RANBP2: variants seen among roughly 807,000 people sequenced by gnomAD.
The protein encoded by RANBP2 is RAN binding protein 2.
In RANBP2, 57 loss-of-function variants were observed where a neutral mutation model predicts 303.6. The observed-to-expected ratio is 0.19, with a 90% CI of 0.15 to 0.23. The LOEUF is 0.23. RANBP2 is among the 10% of genes least tolerant of loss of function. RANBP2 has a pLI of 1.00. For synonymous variants in RANBP2, 1,167 were observed against 1,301.5 expected, an observed-to-expected ratio of 0.90 and a Z score of 2.23; for missense variants, 3,138 against 3,780.8, an observed-to-expected ratio of 0.83 and a Z score of 4.46.
At chr2:109,151,360 A>G in the RANBP2 span, among the ~76,000 whole-genome samples, 3 of 152,310 alleles carry the variant, frequency 2.0e-5, no homozygotes, top group Middle Eastern at 3.4e-3. Flanking sequence ...TGAAAAGCTA[A>G]TGGTTTAACA....
At chr2:108,739,174 G>A (rs955206957) in intron 6 of RANBP2, among the ~76,000 whole-genome samples, 7 of 151,846 alleles carry the variant, frequency 4.6e-5, no homozygotes, top group East Asian at 2.0e-4. Context: ...AGGCCGAGGC[G>A]GGTGGATCAC....
At chr2:108,782,017 A>G in intron 26 of RANBP2, 111 bp from the exon 27 acceptor site, 1 of 1,277,284 alleles carries the variant, frequency 7.8e-7, no homozygotes, top group East Asian at 2.4e-5. Flanking sequence ...ACATTAACAA[A>G]TTCTCTTTGT....
At chr2:109,531,412 G>A in the RANBP2 span, among the ~76,000 whole-genome samples, 18 of 152,274 alleles carry the variant, frequency 1.2e-4, no homozygotes, top group East Asian at 1.9e-4. Flanking sequence ...CTGGCACTGC[G>A]CACTTACAAA....
chr2:109,173,911 C>A, the RANBP2 span, among the ~76,000 whole-genome samples: 1 of 152,210 alleles, frequency 6.6e-6, no homozygotes, highest in Non-Finnish European at 1.5e-5. Context: ...AATGTGAAAT[C>A]CGGTGTGGGC....
chr2:109,031,812 C>T, the RANBP2 span, among the ~76,000 whole-genome samples: 1 of 151,806 alleles, frequency 6.6e-6, no homozygotes, highest in Admixed American at 6.6e-5. Flanking sequence ...GCGAAGAGAA[C>T]CCTCCTTCCT....
chr2:109,678,062 G>A, the RANBP2 span, among the ~76,000 whole-genome samples: 1 of 152,328 alleles, frequency 6.6e-6, no homozygotes, highest in East Asian at 1.9e-4. Flanking sequence ...GTTGCTAGGA[G>A]ATGATGGGCT....
At chr2:109,613,408 CG>C in the RANBP2 span, 2 of 323,238 alleles carry the variant, frequency 6.2e-6, no homozygotes, top group Admixed American at 3.8e-5. Flanking sequence ...CAGGGAGGCT[CG>C]GAAGTGCTCA....
the RANBP2 span, among the ~76,000 whole-genome samples, chr2:109,289,782 C>T: frequency 6.6e-6 from 1 of 151,908 alleles, no homozygotes; most frequent in Admixed American, 6.6e-5. Flanking sequence ...AAGCTGGAAA[C>T]TGGGTGACAG....
At chr2:109,092,065 G>T in the RANBP2 span, among the ~76,000 whole-genome samples, 1 of 152,212 alleles carries the variant, frequency 6.6e-6, no homozygotes, top group Non-Finnish European at 1.5e-5. Flanking sequence ...GATAATCTTG[G>T]AGTTCTTGGT....
the RANBP2 span, among the ~76,000 whole-genome samples, chr2:109,348,193 A>G: frequency 5.9e-5 from 9 of 152,342 alleles, no homozygotes; most frequent in East Asian, 1.5e-3. Context: ...CCAGAGCTAC[A>G]TAGGAGCTTG....
the RANBP2 span, among the ~76,000 whole-genome samples, chr2:108,854,055 A>ATTATATATAATATATAATAAAT: frequency 4.5e-5 from 4 of 88,994 alleles, no homozygotes; most frequent in African/African-American, 1.4e-4. Context: ...ATAAATTTAT[A>ATTATATATAATATATAATAAAT]TTATATATAT....
At chr2:109,528,939 C>T in the RANBP2 span, among the ~76,000 whole-genome samples, 5 of 152,156 alleles carry the variant, frequency 3.3e-5, no homozygotes, top group East Asian at 3.9e-4. Flanking sequence ...AGCTGATGAC[C>T]GCTGCAGCCT....
the RANBP2 span, among the ~76,000 whole-genome samples, chr2:109,586,740 T>C: frequency 6.6e-5 from 10 of 151,402 alleles, no homozygotes; most frequent in African/African-American, 2.4e-4. Flanking sequence ...AGTTAAAGAG[T>C]CTCCTGTAAA....
the RANBP2 span, among the ~76,000 whole-genome samples, chr2:109,111,716 T>C: frequency 6.6e-6 from 1 of 151,478 alleles, no homozygotes; most frequent in Non-Finnish European, 1.5e-5. Flanking sequence ...TGTGCCATGC[T>C]GGTGTGCTGC....
the RANBP2 span, among the ~76,000 whole-genome samples, chr2:109,243,166 A>G: frequency 6.6e-6 from 1 of 152,234 alleles, no homozygotes; most frequent in Non-Finnish European, 1.5e-5. Context: ...GGTGTCTTGT[A>G]AGGGCTGAGG....
At chr2:109,188,750 G>A in the RANBP2 span, among the ~76,000 whole-genome samples, 5 of 152,158 alleles carry the variant, frequency 3.3e-5, no homozygotes, top group African/African-American at 1.2e-4. Context: ...GACTCTGAGA[G>A]ACACCATCGC....
chr2:109,131,491 T>C, the RANBP2 span, among the ~76,000 whole-genome samples: 1 of 152,344 alleles, frequency 6.6e-6, no homozygotes, highest in South Asian at 2.1e-4. Context: ...TCTGTTCTGA[T>C]AAATTATGTG....
the RANBP2 span, among the ~76,000 whole-genome samples, chr2:108,936,360 G>A: frequency 6.6e-6 from 1 of 152,356 alleles, no homozygotes; most frequent in South Asian, 2.1e-4. Flanking sequence ...CCGCATCACG[G>A]ACAGGGAGGG....
At chr2:108,898,622 T>C in the RANBP2 span, among the ~76,000 whole-genome samples, 6 of 152,134 alleles carry the variant, frequency 3.9e-5, no homozygotes, top group African/African-American at 1.2e-4. Flanking sequence ...AACACTGAGA[T>C]GACAGATGTT....
Sources: gnomAD v4.1 joint callset for allele counts (sites outside exome capture counted in the v4.1 genomes callset) on GRCh38, gnomAD v4.1.1 for gene constraint, MANE v1.5 for transcripts, NCBI Gene and HGNC (gene_info 2026-07-23, HGNC 2026-07-21) for gene names.